The following UNKL variants were observed in gnomAD, a reference collection of about 807,000 sequenced individuals.
The protein encoded by UNKL is unk like zinc finger.
Under a neutral mutation model 78.0 loss-of-function variants are expected in UNKL, and 60 were observed. The observed-to-expected ratio is 0.77, with a 90% CI of 0.63 to 0.95. UNKL has a LOEUF of 0.95. UNKL is among the 40% of genes least tolerant of loss of function. The pLI is 0.00. For synonymous variants in UNKL, 608 were observed against 474.8 expected, an observed-to-expected ratio of 1.28 and a Z score of -3.65; for missense variants, 1,159 against 1,045.7, an observed-to-expected ratio of 1.11 and a Z score of -1.49.
chr16:1,366,351 C>G lies in UNKL; in HGVS notation c.2091G>C (p.Glu697Asp). ...LRAKQCVACR[E>D]RAHGAVLRPC... is the part of the protein sequence containing the mutation. ...GCCGCAGGACAGCACCGTGGGCCCG[C>G]TCCCGGCAGGCCACACACTGCTTGG... Residue 697 changes from glutamate to aspartate, a missense_variant, in exon 15 of 15, where the codon GAG becomes GAC. By Grantham distance (45) the Glu-to-Asp change is conservative. Coordinates refer to ENST00000389221, the MANE Select transcript of UNKL (RefSeq NM_001372107.1). 6.2e-7 allele frequency: 1 copy of G among 1,604,974 alleles called. No individual in the cohort carries two copies. Among genetic ancestry groups the G allele is most frequent in the South Asian group, 1.1e-5 (1 of 89,932 alleles).
rs1026420715 is a variant in UNKL, at chr16:1,363,446, G to A, written c.*2794C>T. On this transcript the variant is annotated 3_prime_UTR_variant, in exon 15 of 15. Transcript: ENST00000389221. ...TTCCAGAAATTAATCCACTTGAGGC[G>A]TCCACGCGGAACAAGGTCTGCTGAC... is the stretch of plus-strand genomic sequence containing the variant. 4.3e-5 allele frequency: 15 copies of A among 346,006 alleles called. No homozygotes were observed. The highest frequency in any genetic ancestry group is 1.5e-4 in the East Asian group (2 of 13,104). 21.4% of individuals were successfully genotyped at this position (346,006 alleles called of 1,614,324 possible).
chr16:1,381,696 G>C (rs914485355), intron 10 of UNKL, among the ~76,000 whole-genome samples: 1 of 152,210 alleles, frequency 6.6e-6, no homozygotes, highest in Non-Finnish European at 1.5e-5. Context: ...AGTTTCTGAA[G>C]GGGATGTGTG....
At chr16:1,397,344 C>CAA in intron 5 of UNKL, 49 bp from the exon 6 acceptor site, 1 of 340,656 alleles carries the variant, frequency 2.9e-6, no homozygotes, top group African/African-American at 3.2e-5. Flanking sequence ...GGCTCCCCGC[C>CAA]CCCCACCCCC....
rs550203413 is a variant in UNKL at position 1,391,979 on chromosome 16, C to T, written c.1023+912G>A. Among the ~76,000 whole-genome samples the T allele has an allele frequency of 3.9e-5, 6 of 152,284 alleles. No individual in the cohort carries two copies. In the South Asian group the frequency reaches 6.2e-4, roughly 16 times the overall value. ...CTGGGATTACAGGCGTGAGCCACCG[C>T]GCCCGGCCCTGAGTTCCATTTCTTA... On this transcript the variant is annotated intron_variant, in intron 8 of 14. Transcript: ENST00000389221.
Position 1,399,600 on chromosome 16 carries a change from C to G in UNKL, c.599-91G>C, listed in dbSNP as rs1464735608. Reference sequence around the variant, plus strand: ...AAGGTGGAAGGACCTGGCTGTCCCCCAAATGGAAGGGGCTGCAGGAGGACT... The same window carrying G: ...AAGGTGGAAGGACCTGGCTGTCCCCGAAATGGAAGGGGCTGCAGGAGGACT... On this transcript the variant is annotated intron_variant, in intron 4 of 14. Coordinates refer to ENST00000389221, the MANE Select transcript of UNKL (RefSeq NM_001372107.1). The surrounding 1 kb of genome is among the most constrained non-coding windows in gnomAD (Gnocchi z 5.8). 1.3e-6 allele frequency: 2 copies of G among 1,524,776 alleles called. No individual in the cohort carries two copies. The highest frequency in any genetic ancestry group is 1.8e-6 in the Non-Finnish European group (2 of 1,138,260). The allele number at this position is 1,524,776 out of a possible 1,614,324, so 94.5% of individuals were successfully genotyped here. A position where few individuals can be genotyped will look rare whatever the true frequency, so the allele number is the denominator to read the frequency against.
At chr16:1,371,397 G>T in intron 11 of UNKL, 122 bp downstream of exon 11, 1 of 916,212 alleles carries the variant, frequency 1.1e-6, no homozygotes, top group Non-Finnish European at 1.7e-6. Flanking sequence ...AGGCAGGAGT[G>T]CAGTGGTGCA....
chr16:1,368,418 A>C lies in UNKL; in HGVS notation c.1586-560T>G, dbSNP rs563354957. 2.9e-3 allele frequency among the ~76,000 whole-genome samples: 444 copies of C among 151,414 alleles called. 4 individuals carry two copies. The highest frequency in any genetic ancestry group is 0.014 in the East Asian group (74 of 5,108). On this transcript the variant is annotated intron_variant, in intron 12 of 14. Transcript: ENST00000389221. Reference sequence around the variant, plus strand: ...GAGATCGAGACCATCCTGGCTAACAAGGTGAAACCCCGTCTCTACTAAAAA... The same window carrying C: ...GAGATCGAGACCATCCTGGCTAACACGGTGAAACCCCGTCTCTACTAAAAA...
intron 6 of UNKL, among the ~76,000 whole-genome samples, chr16:1,394,817 G>A (rs1328452743): frequency 6.6e-6 from 1 of 152,174 alleles, no homozygotes; most frequent in African/African-American, 2.4e-5. Context: ...CTCCGGCCTG[G>A]CCCCACCCCC....
At chr16:1,411,760 G>A (rs2038049446) in intron 2 of UNKL, among the ~76,000 whole-genome samples, 1 of 151,788 alleles carries the variant, frequency 6.6e-6, no homozygotes, top group Admixed American at 6.6e-5. Flanking sequence ...GGGAGGCGGA[G>A]GTTGCAGTGA....
intron 6 of UNKL, chr16:1,395,604 C>T (rs536404503): frequency 2.3e-5 from 10 of 439,822 alleles, no homozygotes; most frequent in South Asian, 6.3e-5. Context: ...CTGCCCCTTC[C>T]GCCCCAGGAA....
chr16:1,375,153 C>A (rs965984703), intron 10 of UNKL, among the ~76,000 whole-genome samples: 4 of 152,312 alleles, frequency 2.6e-5, no homozygotes, highest in African/African-American at 9.6e-5. Context: ...GCCGGAGTAT[C>A]CTCGTGCCGC....
rs74647707 is a variant in UNKL at position 1,397,181 on chromosome 16, G to A, written c.849C>T (p.Pro283=). The A allele has an allele frequency of 4.5e-4, 696 of 1,547,424 alleles. 5 individuals carry two copies. The African/African-American group carries it at 8.0e-3, about 18-fold the overall frequency. Residue 283 remains proline, a synonymous_variant, in exon 6 of 15, where the codon CCC becomes CCT. Transcript: ENST00000389221. ...CHSRTEQQFH[P]EIYKSTKCND... The stretch of plus-strand genomic sequence containing the variant: ...CTGGGGGGTTGGAGGGACGTACCTC[G>A]GGATGGAACTGCTGCTCCGTGCGGG...
In UNKL at chr16:1,410,867, T is replaced by C. The variant is rs2038009981; in HGVS notation, c.287+2979A>G. On this transcript the variant is annotated intron_variant, in intron 2 of 14. Coordinates refer to ENST00000389221, the MANE Select transcript of UNKL (RefSeq NM_001372107.1). Reference sequence around the variant, plus strand: ...TCAATTATGCACTTTCAGAACCGCCTTGAAGTACATCACCATCCTAACCAA... The same window carrying C: ...TCAATTATGCACTTTCAGAACCGCCCTGAAGTACATCACCATCCTAACCAA... Among the ~76,000 whole-genome samples the C allele has an allele frequency of 3.9e-5, 6 of 152,210 alleles. 1 individual carries two copies. The South Asian group carries it at 1.2e-3, about 32-fold the overall frequency.
chr16:1,398,514 G>A (rs2037373378), intron 5 of UNKL: 3 of 1,288,882 alleles, frequency 2.3e-6, no homozygotes, highest in Non-Finnish European at 3.0e-6. Context: ...GGAGTGGGGC[G>A]TCCTTCCCAA....
In UNKL at chr16:1,387,421, T is replaced by C. The variant is rs1299170569; in HGVS notation, c.1087-2036A>G. Among the ~76,000 whole-genome samples, 1 of 152,156 alleles carries C rather than the reference T, an allele frequency of 6.6e-6. No homozygotes were observed. The highest frequency in any genetic ancestry group is 1.5e-5 in the Non-Finnish European group (1 of 68,004). On this transcript the variant is annotated intron_variant, in intron 9 of 14. Coordinates refer to ENST00000389221, the MANE Select transcript of UNKL (RefSeq NM_001372107.1). The surrounding 1 kb of genome is among the most constrained non-coding windows in gnomAD (Gnocchi z 4.1). ...CACTTCCTGTCCCTGCTTCAGACCC[T>C]CAGTGTGGCCCCAGGAAGGCTGAGA...
chr16:1,388,500 C>T (rs984776923), intron 9 of UNKL, among the ~76,000 whole-genome samples: 2 of 152,048 alleles, frequency 1.3e-5, no homozygotes, highest in African/African-American at 2.4e-5. Context: ...CCCTGAGTGA[C>T]CCCCCAGACC....
At position 1,367,208 on chromosome 16, in the gene UNKL, C is replaced by T. The variant is rs781397262; in HGVS notation, c.1930G>A (p.Gly644Ser). The T allele has an allele frequency of 6.2e-7, 1 of 1,604,676 alleles. No homozygotes were observed. The change falls in exon 14 of 15, where the codon GGC becomes AGC. Residue 644 changes from glycine to serine, a missense_variant. Coordinates refer to ENST00000389221, the MANE Select transcript of UNKL (RefSeq NM_001372107.1). Reference protein sequence around the residue: ...KQLQEELEGLGVASTLPGLRG... With the variant: ...KQLQEELEGLSVASTLPGLRG... ...AGCCCCGGCAGTGTGGAGGCTACGC[C>T]CAGGCCCTCCAGCTCCTCCTGCAGC... is the stretch of plus-strand genomic sequence containing the variant.
Position 1,412,733 on chromosome 16 carries a change from C to G in UNKL, c.287+1113G>C, listed in dbSNP as rs371516578. Among the ~76,000 whole-genome samples, 9 of 152,200 alleles carry G rather than the reference C, an allele frequency of 5.9e-5. No individual in the cohort carries two copies. In the East Asian group the frequency reaches 9.6e-4, roughly 16 times the overall value. On this transcript the variant is annotated intron_variant, in intron 2 of 14. Coordinates refer to ENST00000389221, the MANE Select transcript of UNKL (RefSeq NM_001372107.1). Reference sequence around the variant, plus strand: ...CAGCGTGAATATTCTAACAAGCTCTCTGTGTGGAAAGCAACCGACCACTAC... The same window carrying G: ...CAGCGTGAATATTCTAACAAGCTCTGTGTGTGGAAAGCAACCGACCACTAC...
rs73487839 is a variant in UNKL at position 1,374,596 on chromosome 16, A to G, written c.1265-2985T>C. 7.3e-3 allele frequency among the ~76,000 whole-genome samples: 1,112 copies of G among 152,208 alleles called. 16 individuals carry two copies. Among genetic ancestry groups the G allele is most frequent in the African/African-American group, 0.026 (1,060 of 41,540 alleles). ...TTCAGACAAGCTGGGGCCCAGCAGA[A>G]GCAAAGAGGCGGTCACTGCCCCACC... On this transcript the variant is annotated intron_variant, in intron 10 of 14. Coordinates refer to ENST00000389221, the MANE Select transcript of UNKL (RefSeq NM_001372107.1).
Sources: gnomAD v4.1 joint callset for allele counts (sites outside exome capture counted in the v4.1 genomes callset) on GRCh38, gnomAD v4.1.1 for gene constraint, Gnocchi (gnomAD v3.1) non-coding constraint, MANE v1.5 for transcripts, NCBI Gene and HGNC (gene_info 2026-07-23, HGNC 2026-07-21) for gene names.